TRAK2: variants seen among roughly 807,000 people sequenced by gnomAD.
TRAK2 encodes the protein trafficking kinesin protein 2.
Under a neutral mutation model 104.6 loss-of-function variants are expected in TRAK2, and 81 were observed. That is an observed-to-expected ratio of 0.77 (90% confidence interval 0.65 to 0.93). The LOEUF (loss-of-function observed/expected upper bound fraction) is 0.93, where lower values mean the gene tolerates loss of function less well. Among genes scored for constraint, TRAK2 ranks in the 40% least tolerant of loss-of-function variants. The probability of loss-of-function intolerance (pLI) is 0.00; values close to 1 mark genes in which losing one functional copy is unlikely to be tolerated. For missense variants in TRAK2, 1,002 were observed against 1,089.0 expected, an observed-to-expected ratio of 0.92 and a Z score of 1.12; for synonymous variants, 406 against 394.4, an observed-to-expected ratio of 1.03 and a Z score of -0.35.
intron 1 of TRAK2, among the ~76,000 whole-genome samples, chr2:201,450,230 C>T (rs1427389736): frequency 6.6e-6 from 1 of 151,984 alleles, no homozygotes; most frequent in African/African-American, 2.4e-5. Context: ...TCCTGGCCAA[C>T]ATGGTGAAAC....
intron 2 of TRAK2, 103 bp downstream of exon 2, chr2:201,420,314 G>C (rs909970928): frequency 3.3e-6 from 3 of 911,842 alleles, no homozygotes; most frequent in Non-Finnish European, 3.5e-6. Context: ...GACTAGAAAG[G>C]GAGGCTTGGG....
rs148234352 is a variant in TRAK2 at position 201,438,679 on chromosome 2, C to T, written c.-200+12671G>A. On this transcript the variant is annotated intron_variant, in intron 1 of 15. Transcript: ENST00000332624. ...TCTACTACAATCCTATGTCTCTACT[C>T]CACTTTTTAAAAACACATAGTGGTT... Among the ~76,000 whole-genome samples, 1,467 of 152,204 alleles carry T rather than the reference C, an allele frequency of 9.6e-3. 14 individuals carry two copies. The highest frequency in any genetic ancestry group is 0.016 in the Non-Finnish European group (1,060 of 68,006).
intron 10 of TRAK2, among the ~76,000 whole-genome samples, chr2:201,392,370 G>C (rs1951456062): frequency 6.6e-6 from 1 of 152,054 alleles, no homozygotes; most frequent in Non-Finnish European, 1.5e-5. Flanking sequence ...AGAAGTTTAA[G>C]AATCAGATTG....
intron 2 of TRAK2, chr2:201,410,920 T>G (rs1316174020): frequency 1.3e-6 from 2 of 1,580,206 alleles, no homozygotes; most frequent in Non-Finnish European, 1.7e-6. Context: ...AGAGTCATTT[T>G]GGTCACTCCA....
chr2:201,402,666 T>C (rs1319045885), intron 3 of TRAK2, among the ~76,000 whole-genome samples: 1 of 152,124 alleles, frequency 6.6e-6, no homozygotes, highest in East Asian at 1.9e-4. Flanking sequence ...TTAAGGCAAA[T>C]ACTTACAGTG....
Position 201,379,540 on chromosome 2 carries a change from C to T in TRAK2, c.*1003G>A, listed in dbSNP as rs930464225. The T allele has an allele frequency of 2.0e-5, 3 of 152,422 alleles. No homozygotes were observed. Among genetic ancestry groups the T allele is most frequent in the African/African-American group, 7.2e-5 (3 of 41,386 alleles). 9.4% of individuals were successfully genotyped at this position (152,422 alleles called of 1,614,324 possible). A position where few individuals can be genotyped will look rare whatever the true frequency, so the allele number is the denominator to read the frequency against. On this transcript the variant is annotated 3_prime_UTR_variant, in exon 16 of 16. Transcript: ENST00000332624. ...CATCTTTCATTAAAAATATGCATAG[C>T]GCACTTTGGAAAAAGTTGGTTTAGT...
chr2:201,419,010 T>G (rs372699942), intron 2 of TRAK2, among the ~76,000 whole-genome samples: 7 of 152,326 alleles, frequency 4.6e-5, no homozygotes, highest in African/African-American at 1.7e-4. Context: ...CACTTACAAT[T>G]CAACACTTAC....
chr2:201,443,381 T>A (rs1446547197), intron 1 of TRAK2, among the ~76,000 whole-genome samples: 1 of 152,172 alleles, frequency 6.6e-6, no homozygotes, highest in Non-Finnish European at 1.5e-5. Context: ...GAGAGAGAGA[T>A]CTTACAATGC....
intron 2 of TRAK2, among the ~76,000 whole-genome samples, chr2:201,416,287 TCCAAGCTA>T (rs1951691458): frequency 6.7e-6 from 1 of 148,606 alleles, no homozygotes; most frequent in Admixed American, 6.7e-5. Context: ...ATGCCTGTGG[TCCAAGCTA>T]CTCAGGAGGC....
chr2:201,417,998 A>T (rs185965505), intron 2 of TRAK2, among the ~76,000 whole-genome samples: 19 of 152,356 alleles, frequency 1.2e-4, no homozygotes, highest in African/African-American at 4.3e-4. Flanking sequence ...AATATGTGCA[A>T]GACTTATACA....
rs566911189 is a variant in TRAK2, at chr2:201,410,972, G to A, written c.92-3375C>T. On this transcript the variant is annotated intron_variant, in intron 2 of 15. Transcript: ENST00000332624. Reference sequence around the variant, plus strand: ...TGTAGAAGTTCTGGTTTGTAGTAACGGGCATGTTGAATCCTGAAGTCTGAA... The same window carrying A: ...TGTAGAAGTTCTGGTTTGTAGTAACAGGCATGTTGAATCCTGAAGTCTGAA... The A allele has an allele frequency of 4.0e-5, 62 of 1,533,430 alleles. No individual in the cohort carries two copies. The Admixed American group carries it at 4.7e-4, about 12-fold the overall frequency. The allele number at this position is 1,533,430 out of a possible 1,614,324, so 95.0% of individuals were successfully genotyped here. A position where few individuals can be genotyped will look rare whatever the true frequency, so the allele number is the denominator to read the frequency against.
chr2:201,435,570 T>C (rs1246103976), intron 1 of TRAK2, among the ~76,000 whole-genome samples: 1 of 152,230 alleles, frequency 6.6e-6, no homozygotes, highest in Non-Finnish European at 1.5e-5. Context: ...GTATGCATTA[T>C]TTAAATATTT....
chr2:201,398,080 T>A, intron 6 of TRAK2, 65 bp downstream of exon 6: 1 of 1,464,230 alleles, frequency 6.8e-7, no homozygotes, highest in Non-Finnish European at 9.5e-7. Context: ...TTCACCTCAA[T>A]AGTACCTGGA....
At chr2:201,397,619 T>C (rs1383846944) in intron 6 of TRAK2, 39 bp from the exon 7 acceptor site, 1 of 1,373,354 alleles carries the variant, frequency 7.3e-7, no homozygotes, top group East Asian at 2.3e-5. Flanking sequence ...TACCTTCTAG[T>C]GATTTTATAG....
At chr2:201,398,064 C>T in intron 6 of TRAK2, 81 bp downstream of exon 6, 1 of 1,294,636 alleles carries the variant, frequency 7.7e-7, no homozygotes, top group Non-Finnish European at 1.1e-6. Flanking sequence ...CTTACTTATG[C>T]CATATTTCAC....
chr2:201,439,858 C>T (rs1165294855), intron 1 of TRAK2, among the ~76,000 whole-genome samples: 3 of 142,168 alleles, frequency 2.1e-5, no homozygotes, highest in African/African-American at 7.9e-5. Context: ...ACCGCATGTT[C>T]TCACTCATAG....
At chr2:201,427,472 T>G (rs1447630675) in intron 1 of TRAK2, among the ~76,000 whole-genome samples, 2 of 152,224 alleles carry the variant, frequency 1.3e-5, no homozygotes, top group Non-Finnish European at 2.9e-5. Context: ...GTTTCCAGCT[T>G]CATCCATGTC....
Position 201,380,574 on chromosome 2 carries a change from G to A in TRAK2, c.2714C>T (p.Ser905Leu), listed in dbSNP as rs1400620276. 1 of 1,613,888 alleles carries A rather than the reference G, an allele frequency of 6.2e-7. No homozygotes were observed. Among genetic ancestry groups the A allele is most frequent in the Admixed American group, 1.7e-5 (1 of 59,948 alleles). Reference protein sequence around the residue: ...GSFAAPVCTSSPKMGVLKED With the variant: ...GSFAAPVCTSLPKMGVLKED The stretch of plus-strand genomic sequence containing the variant: ...CTCCTTCAGGACACCCATTTTGGGT[G>A]AGGATGTGCAAACTGGGGCAGCAAA... The change falls in exon 16 of 16, where the codon TCA becomes TTA. Residue 905 changes from serine to leucine, a missense_variant. Physicochemically the swap from Ser to Leu is moderately radical, Grantham distance 145. Coordinates refer to ENST00000332624, the MANE Select transcript of TRAK2 (RefSeq NM_015049.3).
chr2:201,428,070 C>T (rs2125657672), intron 1 of TRAK2, among the ~76,000 whole-genome samples: 1 of 151,862 alleles, frequency 6.6e-6, no homozygotes, highest in East Asian at 1.9e-4. Flanking sequence ...GGATATTAGC[C>T]CTTTGTCAGA....
Sources: gnomAD v4.1 joint callset for allele counts (sites outside exome capture counted in the v4.1 genomes callset) on GRCh38, gnomAD v4.1.1 for gene constraint, MANE v1.5 for transcripts, NCBI Gene and HGNC (gene_info 2026-07-23, HGNC 2026-07-21) for gene names.